Variants in SCRN1 observed in about 807,000 individuals in gnomAD.
SCRN1 encodes the protein secernin 1.
In SCRN1, 19 loss-of-function variants were observed where a neutral mutation model predicts 43.3. The observed-to-expected ratio is 0.44, with a 90% CI of 0.31 to 0.64. The LOEUF is 0.64. SCRN1 is among the 30% of genes least tolerant of loss of function. The pLI, the probability that SCRN1 is intolerant of heterozygous loss-of-function variation, is 0.09. For missense variants in SCRN1, 447 were observed against 524.1 expected (o/e 0.85, Z 1.44); for synonymous variants, 183 against 188.9 (o/e 0.97, Z 0.26).
At chr7:29,956,482 G>A (rs1486358216) in intron 2 of SCRN1, among the ~76,000 whole-genome samples, 2 of 152,152 alleles carry the variant, frequency 1.3e-5, no homozygotes, top group Non-Finnish European at 2.9e-5. Context: ...TTTTAAACGG[G>A]GCAGCTGAAA....
At chr7:29,924,388 G>A (rs1786872468) in intron 7 of SCRN1, among the ~76,000 whole-genome samples, 1 of 152,190 alleles carries the variant, frequency 6.6e-6, no homozygotes, top group African/African-American at 2.4e-5. Context: ...TGACATCCAA[G>A]ACCACTTCCC....
intron 1 of SCRN1, among the ~76,000 whole-genome samples, chr7:29,977,057 CAAT>C (rs1788856804): frequency 6.6e-6 from 1 of 152,190 alleles, no homozygotes; most frequent in Non-Finnish European, 1.5e-5. Flanking sequence ...ACCTTTATCT[CAAT>C]GATGCACACA....
rs1583681677 is a variant in SCRN1 at position 29,961,690 on chromosome 7, G to C, written c.160-6330C>G. ...ACCTCCCGGACGGGGCGGCTGGCCG[G>C]GCAGAGGGGCTCTTCACTTCCCAGT... is the stretch of plus-strand genomic sequence containing the variant. On this transcript the variant is annotated intron_variant, in intron 2 of 7. Transcript: ENST00000242059. Among the ~76,000 whole-genome samples, 9 of 152,168 alleles carry C rather than the reference G, an allele frequency of 5.9e-5. 1 individual carries two copies. The East Asian group carries it at 1.7e-3, about 29-fold the overall frequency.
intron 1 of SCRN1, among the ~76,000 whole-genome samples, chr7:29,977,406 A>T (rs796776222): frequency 1.2e-4 from 18 of 152,360 alleles, no homozygotes; most frequent in African/African-American, 4.3e-4. Flanking sequence ...AGGACAAATG[A>T]TACTCATTTA....
chr7:29,989,773 C>G lies in SCRN1; in HGVS notation c.-133G>C, dbSNP rs1583709204. ...GCTGCAGCTGCAGTGGCGGAGGCGG[C>G]CGCCGGGCGCTTCCCCCTACCCAGA... On this transcript the variant is annotated 5_prime_UTR_variant, in exon 1 of 8. Coordinates refer to ENST00000242059, the MANE Select transcript of SCRN1 (RefSeq NM_014766.5). The G allele has an allele frequency of 1.0e-6, 1 of 986,532 alleles. No individual in the cohort carries two copies. Among genetic ancestry groups the G allele is most frequent in the Non-Finnish European group, 1.2e-6 (1 of 830,870 alleles). The allele number at this position is 986,532 out of a possible 1,614,324, so 61.1% of individuals were successfully genotyped here. A position where few individuals can be genotyped will look rare whatever the true frequency, so the allele number is the denominator to read the frequency against.
chr7:29,972,143 C>T (rs1191240346), intron 1 of SCRN1, among the ~76,000 whole-genome samples: 1 of 152,170 alleles, frequency 6.6e-6, no homozygotes. Context: ...AATCAAATGC[C>T]TTTATAGAGT....
upstream of SCRN1, chr7:29,989,978 C>CG (rs1394132824): frequency 5.1e-6 from 7 of 1,374,906 alleles, no homozygotes; most frequent in East Asian, 2.0e-4. Context: ...GCTGGAGGAG[C>CG]GGCCGAGAGG....
intron 2 of SCRN1, among the ~76,000 whole-genome samples, chr7:29,961,696 G>A (rs1788319515): frequency 6.6e-6 from 1 of 151,986 alleles, no homozygotes; most frequent in African/African-American, 2.4e-5. Context: ...GCCGGGCAGA[G>A]GGGCTCTTCA....
chr7:29,934,924 A>G (rs1787275896), intron 6 of SCRN1, among the ~76,000 whole-genome samples: 1 of 152,176 alleles, frequency 6.6e-6, no homozygotes, highest in Non-Finnish European at 1.5e-5. Flanking sequence ...GCCCGTGGTC[A>G]TGTGGTTTCA....
At chr7:29,975,146 C>T (rs907986940) in intron 1 of SCRN1, among the ~76,000 whole-genome samples, 7 of 152,158 alleles carry the variant, frequency 4.6e-5, no homozygotes, top group East Asian at 3.8e-4. Flanking sequence ...AACTCTCAAT[C>T]ACATACACGA....
At chr7:29,943,243 T>G (rs1787617388) in intron 4 of SCRN1, among the ~76,000 whole-genome samples, 1 of 152,108 alleles carries the variant, frequency 6.6e-6, no homozygotes, top group African/African-American at 2.4e-5. Flanking sequence ...GGGCCAAAAT[T>G]CCCTCTTAGG....
chr7:29,934,771 C>T (rs545277449), intron 6 of SCRN1, among the ~76,000 whole-genome samples: 7 of 152,288 alleles, frequency 4.6e-5, no homozygotes, highest in African/African-American at 9.6e-5. Context: ...CTGCCAGGAG[C>T]GGCGTAGAGC....
chr7:29,969,710 T>A, intron 1 of SCRN1: 1 of 421,024 alleles, frequency 2.4e-6, no homozygotes, highest in Non-Finnish European at 4.8e-6. Flanking sequence ...CATTTAATGA[T>A]CTTTTCTATC....
In SCRN1 at chr7:29,929,593, C is replaced by T. The variant is rs898412700; in HGVS notation, c.906-2961G>A. Among the ~76,000 whole-genome samples the T allele has an allele frequency of 1.1e-4, 16 of 152,220 alleles. 1 individual carries two copies. Among genetic ancestry groups the T allele is most frequent in the African/African-American group, 3.6e-4 (15 of 41,452 alleles). ...GGGACAGCCTGGCAGCACCGCTGGG[C>T]GGAGCTACCTCCCACAGAGCAGGGC... On this transcript the variant is annotated intron_variant, in intron 6 of 7. Coordinates refer to ENST00000242059, the MANE Select transcript of SCRN1 (RefSeq NM_014766.5).
At chr7:29,963,657 G>GCTA (rs10667428) in intron 2 of SCRN1, among the ~76,000 whole-genome samples, 150,452 of 152,264 alleles carry the variant, frequency 0.99, 74,350 homozygotes, top group East Asian at 1. Context: ...ACATCCAATG[G>GCTA]TATCTACACA....
At chr7:29,957,860 G>C (rs1362884895) in intron 2 of SCRN1, among the ~76,000 whole-genome samples, 3 of 152,204 alleles carry the variant, frequency 2.0e-5, no homozygotes, top group Non-Finnish European at 4.4e-5. Context: ...GGTCCCTGCT[G>C]TGCCATGTGG....
chr7:29,926,954 C>T (rs17158506), intron 6 of SCRN1, among the ~76,000 whole-genome samples: 2,901 of 150,942 alleles, frequency 0.019, 47 homozygotes, highest in East Asian at 0.068. Context: ...TTCTGAGAAA[C>T]GGTGCAAGGA....
At chr7:29,985,961 G>A (rs1470456181) in intron 1 of SCRN1, among the ~76,000 whole-genome samples, 5 of 152,248 alleles carry the variant, frequency 3.3e-5, no homozygotes, top group Admixed American at 1.3e-4. Context: ...AGGGCTGGGC[G>A]AGGTGGCTCA....
At chr7:29,972,383 C>G (rs1025887191) in intron 1 of SCRN1, among the ~76,000 whole-genome samples, 11 of 152,136 alleles carry the variant, frequency 7.2e-5, no homozygotes, top group African/African-American at 1.2e-4. Flanking sequence ...ACCAATTTTG[C>G]ATTTATGAGA....
Sources: gnomAD v4.1 joint callset for allele counts (sites outside exome capture counted in the v4.1 genomes callset) on GRCh38, gnomAD v4.1.1 for gene constraint, MANE v1.5 for transcripts, NCBI Gene and HGNC (gene_info 2026-07-23, HGNC 2026-07-21) for gene names.